Variants in GUCY1A2 observed in about 807,000 individuals in gnomAD.
GUCY1A2 encodes guanylate cyclase 1 soluble subunit alpha 2.
GUCY1A2 carries 27 observed loss-of-function variants against 63.5 expected under a neutral mutation model. The ratio of observed to expected loss-of-function variants is 0.43; its 90% CI spans 0.31 to 0.59. The LOEUF (loss-of-function observed/expected upper bound fraction) is 0.59, where lower values mean the gene tolerates loss of function less well. Ranked by LOEUF, GUCY1A2 falls within the 20% of genes least tolerant of loss-of-function variation. The pLI is 0.11. For synonymous variants in GUCY1A2, 364 were observed against 343.5 expected (o/e 1.06, Z -0.66); for missense variants, 768 against 913.3 (o/e 0.84, Z 2.05).
intron 7 of GUCY1A2, among the ~76,000 whole-genome samples, chr11:106,696,056 C>T (rs951329747): frequency 6.6e-6 from 1 of 152,144 alleles, no homozygotes; most frequent in Non-Finnish European, 1.5e-5. Context: ...AGTATAGGTT[C>T]ATACTCTGCA....
At chr11:106,803,827 G>A (rs1283219601) in intron 5 of GUCY1A2, among the ~76,000 whole-genome samples, 1 of 152,162 alleles carries the variant, frequency 6.6e-6, no homozygotes, top group Non-Finnish European at 1.5e-5. Flanking sequence ...TGTCTGAATG[G>A]ATTGAAAGAA....
intron 3 of GUCY1A2, among the ~76,000 whole-genome samples, chr11:106,945,187 C>G (rs145944618): frequency 0.02 from 3,005 of 149,682 alleles, 43 homozygotes; most frequent in Middle Eastern, 0.059. Context: ...TAAAGAAGAT[C>G]TTTTAAGTTG....
At chr11:106,699,406 A>T (rs950343341) in intron 7 of GUCY1A2, among the ~76,000 whole-genome samples, 1 of 152,224 alleles carries the variant, frequency 6.6e-6, no homozygotes, top group Non-Finnish European at 1.5e-5. Flanking sequence ...CATTCTTTGT[A>T]AACGTTATTT....
At chr11:106,772,853 A>G (rs1864282018) in intron 6 of GUCY1A2, among the ~76,000 whole-genome samples, 1 of 152,198 alleles carries the variant, frequency 6.6e-6, no homozygotes, top group Admixed American at 6.5e-5. Context: ...TGGAATGTCT[A>G]TATTTGCAGT....
chr11:106,851,704 G>T (rs1039153733), intron 4 of GUCY1A2, among the ~76,000 whole-genome samples: 8 of 151,860 alleles, frequency 5.3e-5, no homozygotes, highest in African/African-American at 1.9e-4. Context: ...TGATCTATGT[G>T]TCTGTTTTTA....
chr11:106,848,278 C>T (rs187295737), intron 4 of GUCY1A2, among the ~76,000 whole-genome samples: 3 of 151,714 alleles, frequency 2.0e-5, no homozygotes, highest in African/African-American at 7.2e-5. Flanking sequence ...AGAGTTCAAA[C>T]AGCAAGCATA....
chr11:106,711,607 G>T (rs535019836), intron 6 of GUCY1A2, among the ~76,000 whole-genome samples: 24 of 152,146 alleles, frequency 1.6e-4, no homozygotes, highest in African/African-American at 5.8e-4. Context: ...CATGGGATGT[G>T]GAAAGATAGC....
intron 1 of GUCY1A2, among the ~76,000 whole-genome samples, chr11:107,002,554 C>T (rs961589754): frequency 6.6e-6 from 1 of 152,036 alleles, no homozygotes; most frequent in Non-Finnish European, 1.5e-5. Flanking sequence ...TTTATAAATG[C>T]TTATTTTTAG....
chr11:106,768,662 T>C (rs953018596), intron 6 of GUCY1A2, among the ~76,000 whole-genome samples: 3 of 152,170 alleles, frequency 2.0e-5, no homozygotes, highest in African/African-American at 7.2e-5. Context: ...GTTATATCAT[T>C]TGAATTACCC....
chr11:106,891,589 TTTTG>T (rs1296186558), intron 4 of GUCY1A2, among the ~76,000 whole-genome samples: 4 of 152,136 alleles, frequency 2.6e-5, no homozygotes, highest in African/African-American at 9.6e-5. Context: ...TTGAATTAAT[TTTTG>T]TTTATTTATA....
intron 1 of GUCY1A2, among the ~76,000 whole-genome samples, chr11:106,999,020 T>C (rs1055172840): frequency 1.8e-4 from 27 of 152,160 alleles, no homozygotes; most frequent in Admixed American, 2.0e-4. Context: ...CAGAGTCTTG[T>C]GGGGCCAGAC....
chr11:106,885,509 C>A (rs1021209525), intron 4 of GUCY1A2, among the ~76,000 whole-genome samples: 3 of 152,140 alleles, frequency 2.0e-5, no homozygotes, highest in Admixed American at 6.5e-5. Flanking sequence ...AGCATACATT[C>A]ATTCAAATTA....
intron 3 of GUCY1A2, among the ~76,000 whole-genome samples, chr11:106,945,838 C>T (rs918388576): frequency 1.8e-4 from 28 of 152,238 alleles, no homozygotes; most frequent in South Asian, 1.2e-3. Flanking sequence ...GTGGCGCATG[C>T]CTATAATCCC....
At chr11:106,827,539 T>C in intron 4 of GUCY1A2, 1 of 1,472,332 alleles carries the variant, frequency 6.8e-7, no homozygotes, top group Non-Finnish European at 9.5e-7. Flanking sequence ...ACATATCAAC[T>C]TTGGTTTAGC....
chr11:106,968,188 T>C, intron 3 of GUCY1A2, among the ~76,000 whole-genome samples: 1 of 152,312 alleles, frequency 6.6e-6, no homozygotes, highest in East Asian at 1.9e-4. Context: ...ATTTTTAAAA[T>C]ACAAAGTTCT....
intron 1 of GUCY1A2, among the ~76,000 whole-genome samples, chr11:107,001,470 G>A (rs1861611311): frequency 6.6e-6 from 1 of 151,886 alleles, no homozygotes; most frequent in East Asian, 1.9e-4. Context: ...ACAGATTTAG[G>A]GTTCTGGCTC....
At chr11:106,953,446 G>A (rs551045033) in intron 3 of GUCY1A2, among the ~76,000 whole-genome samples, 2 of 152,204 alleles carry the variant, frequency 1.3e-5, no homozygotes, top group Non-Finnish European at 2.9e-5. Flanking sequence ...GAAGATTTTT[G>A]CATCGATGTT....
chr11:106,816,402 G>T (rs1466642639), intron 4 of GUCY1A2, among the ~76,000 whole-genome samples: 1 of 151,688 alleles, frequency 6.6e-6, no homozygotes, highest in Non-Finnish European at 1.5e-5. Context: ...ATTGTTAACA[G>T]AAATTAAATT....
At chr11:106,692,044 C>A (rs961956766) in intron 7 of GUCY1A2, among the ~76,000 whole-genome samples, 1 of 152,118 alleles carries the variant, frequency 6.6e-6, no homozygotes, top group African/African-American at 2.4e-5. Flanking sequence ...CAAATGTATA[C>A]AAGGATTAGG....
Sources: allele counts gnomAD v4.1 joint callset (sites outside exome capture counted in the v4.1 genomes callset), GRCh38; gene constraint gnomAD v4.1.1; transcripts MANE v1.5; gene names NCBI Gene and HGNC (gene_info 2026-07-23, HGNC 2026-07-21).